The following CADPS2 variants were observed in gnomAD, a reference collection of about 807,000 sequenced individuals.
CADPS2 encodes the protein calcium dependent secretion activator 2.
In CADPS2, 93 loss-of-function variants were observed where a neutral mutation model predicts 172.5. The observed-to-expected ratio is 0.54, with a 90% CI of 0.46 to 0.64. The LOEUF (loss-of-function observed/expected upper bound fraction) is 0.64, where lower values mean the gene tolerates loss of function less well. Ranked by LOEUF, CADPS2 falls within the 30% of genes least tolerant of loss-of-function variation. The pLI, the probability that CADPS2 is intolerant of heterozygous loss-of-function variation, is 0.00. For missense variants in CADPS2, 1,420 were observed against 1,565.9 expected (o/e 0.91, Z 1.57); for synonymous variants, 546 against 555.2 (o/e 0.98, Z 0.23).
chr7:122,376,702 G>A (rs1396847662), intron 25 of CADPS2, among the ~76,000 whole-genome samples: 1 of 152,098 alleles, frequency 6.6e-6, no homozygotes, highest in African/African-American at 2.4e-5. Flanking sequence ...TTGATCTTAT[G>A]TGACTGTTAT....
At chr7:122,452,611 G>A (rs1039915019) in intron 14 of CADPS2, among the ~76,000 whole-genome samples, 2 of 152,066 alleles carry the variant, frequency 1.3e-5, no homozygotes, top group Admixed American at 6.6e-5. Flanking sequence ...GTTCAGGCTG[G>A]TCTGGAACTC....
chr7:122,824,133 T>C (rs888182431), intron 1 of CADPS2, among the ~76,000 whole-genome samples: 7 of 152,206 alleles, frequency 4.6e-5, no homozygotes, highest in Non-Finnish European at 7.3e-5. Flanking sequence ...AGAAATAAAG[T>C]TGAAAAAAAT....
intron 8 of CADPS2, among the ~76,000 whole-genome samples, chr7:122,551,382 G>A (rs568475615): frequency 6.6e-6 from 1 of 152,046 alleles, no homozygotes; most frequent in African/African-American, 2.4e-5. Context: ...CACTGTGGGA[G>A]GCATTGAGAA....
At chr7:122,569,001 A>G (rs2066835109) in intron 7 of CADPS2, among the ~76,000 whole-genome samples, 1 of 152,152 alleles carries the variant, frequency 6.6e-6, no homozygotes, top group Non-Finnish European at 1.5e-5. Flanking sequence ...CACCACTCCT[A>G]TTCAACATAG....
chr7:122,596,511 G>A lies in CADPS2; in HGVS notation c.1224-15221C>T, dbSNP rs141773311. Among the ~76,000 whole-genome samples the A allele has an allele frequency of 9.0e-4, 137 of 152,144 alleles. 1 individual carries two copies. The highest frequency in any genetic ancestry group is 3.0e-3 in the African/African-American group (126 of 41,520). The stretch of plus-strand genomic sequence containing the variant: ...AAACAGACTCTGGCCTTCGTGACTC[G>A]GGCTTGTGTTAAAAGGAAAAGCGTG... On this transcript the variant is annotated intron_variant, in intron 6 of 29. Transcript: ENST00000449022.
chr7:122,757,793 C>T (rs999331487), intron 1 of CADPS2, among the ~76,000 whole-genome samples: 3 of 151,800 alleles, frequency 2.0e-5, no homozygotes, highest in Non-Finnish European at 2.9e-5. Context: ...ATTATTCACA[C>T]GATACTGCTT....
chr7:122,857,327 A>G (rs894582712), intron 1 of CADPS2, among the ~76,000 whole-genome samples: 1 of 152,126 alleles, frequency 6.6e-6, no homozygotes, highest in Non-Finnish European at 1.5e-5. Context: ...TTATTTCTTC[A>G]TTCAGAAAAA....
intron 28 of CADPS2, among the ~76,000 whole-genome samples, chr7:122,337,473 C>T (rs2036031822): frequency 6.6e-6 from 1 of 152,146 alleles, no homozygotes; most frequent in South Asian, 2.1e-4. Context: ...GCTATTAATA[C>T]ACTTTCTGGT....
At chr7:122,734,492 A>C (rs2092000333) in intron 2 of CADPS2, among the ~76,000 whole-genome samples, 1 of 150,976 alleles carries the variant, frequency 6.6e-6, no homozygotes, top group Non-Finnish European at 1.5e-5. Flanking sequence ...CTATTTATGT[A>C]AAGTGTAGGT....
intron 3 of CADPS2, among the ~76,000 whole-genome samples, chr7:122,643,756 G>T (rs2077965708): frequency 1.3e-5 from 2 of 151,880 alleles, no homozygotes; most frequent in South Asian, 4.2e-4. Context: ...GGAGGGAAGG[G>T]GAGATGAAAA....
chr7:122,701,872 C>T (rs957159839), intron 2 of CADPS2: 6 of 1,612,788 alleles, frequency 3.7e-6, no homozygotes, highest in African/African-American at 1.3e-5. Flanking sequence ...TGGGACATGT[C>T]CTATGGGCTA....
chr7:122,584,184 G>C (rs1274840657), intron 6 of CADPS2, among the ~76,000 whole-genome samples: 1 of 151,658 alleles, frequency 6.6e-6, no homozygotes, highest in Admixed American at 6.6e-5. Context: ...GTCAAAAAAT[G>C]ATAATTATCT....
chr7:122,839,160 C>T (rs1320763116), intron 1 of CADPS2, among the ~76,000 whole-genome samples: 1 of 152,066 alleles, frequency 6.6e-6, no homozygotes, highest in South Asian at 2.1e-4. Flanking sequence ...AGAAACCTGA[C>T]AAAAACAAGA....
intron 1 of CADPS2, among the ~76,000 whole-genome samples, chr7:122,808,322 G>A (rs1389891037): frequency 1.3e-5 from 2 of 152,176 alleles, no homozygotes; most frequent in African/African-American, 4.8e-5. Flanking sequence ...GTACCCTTGT[G>A]ATTTAGAATT....
intron 17 of CADPS2, chr7:122,436,476 G>T: frequency 1.7e-6 from 1 of 581,828 alleles, no homozygotes; most frequent in South Asian, 1.8e-5. Flanking sequence ...AGTTTGATTT[G>T]GTTCTTAGTC....
At chr7:122,475,996 TTC>T (rs1380693328) in intron 12 of CADPS2, among the ~76,000 whole-genome samples, 2 of 152,166 alleles carry the variant, frequency 1.3e-5, no homozygotes. Flanking sequence ...CATTTTATTC[TTC>T]TGAGTCTTTT....
At chr7:122,350,828 A>T (rs756529018) in intron 27 of CADPS2, among the ~76,000 whole-genome samples, 1 of 151,824 alleles carries the variant, frequency 6.6e-6, no homozygotes, top group Non-Finnish European at 1.5e-5. Context: ...TGTATAAAAA[A>T]GTAAAAAATT....
At chr7:122,530,340 C>A (rs2061651984) in intron 8 of CADPS2, among the ~76,000 whole-genome samples, 1 of 146,426 alleles carries the variant, frequency 6.8e-6, no homozygotes. Flanking sequence ...TTCCCACTAG[C>A]TTTCAAGTTA....
intron 2 of CADPS2, among the ~76,000 whole-genome samples, chr7:122,666,432 T>C (rs2430033): frequency 0.76 from 115,279 of 150,924 alleles, 44,117 homozygotes; most frequent in Non-Finnish European, 0.81. Flanking sequence ...CAAACTCCAC[T>C]TCCCAGGTTC....
Sources: allele counts gnomAD v4.1 joint callset (sites outside exome capture counted in the v4.1 genomes callset), GRCh38; gene constraint gnomAD v4.1.1; transcripts MANE v1.5; gene names NCBI Gene and HGNC (gene_info 2026-07-23, HGNC 2026-07-21).